SGCD: variants seen among roughly 807,000 people sequenced by gnomAD.
The protein encoded by SGCD is delta-sarcoglycan.
Under a neutral mutation model 36.6 loss-of-function variants are expected in SGCD, and 18 were observed. The observed-to-expected ratio is 0.49, with a 90% CI of 0.34 to 0.73. SGCD has a LOEUF of 0.73. Ranked by LOEUF, SGCD falls within the 30% of genes least tolerant of loss-of-function variation. The probability of loss-of-function intolerance (pLI) is 0.01; values close to 1 mark genes in which losing one functional copy is unlikely to be tolerated. For synonymous variants in SGCD, 133 were observed against 130.6 expected (o/e 1.02, Z -0.12); for missense variants, 387 against 346.7 (o/e 1.12, Z -0.92).
intron 3 of SGCD, among the ~76,000 whole-genome samples, chr5:156,303,507 G>A (rs1767115127): frequency 6.6e-6 from 1 of 151,882 alleles, no homozygotes; most frequent in Non-Finnish European, 1.5e-5. Context: ...GCAAGACAAA[G>A]TCTCCTTTAC....
At chr5:156,617,695 T>C (rs2113484319) in intron 6 of SGCD, among the ~76,000 whole-genome samples, 1 of 152,168 alleles carries the variant, frequency 6.6e-6, no homozygotes, top group South Asian at 2.1e-4. Context: ...CCAAAGCAAA[T>C]ACTCAGCAAA....
chr5:155,803,520 C>T, the SGCD span, among the ~76,000 whole-genome samples: 1 of 152,156 alleles, frequency 6.6e-6, no homozygotes, highest in African/African-American at 2.4e-5. Context: ...CTGGATAAGC[C>T]TACCTAGAAG....
intron 3 of SGCD, among the ~76,000 whole-genome samples, chr5:156,440,282 C>T (rs1753426661): frequency 6.6e-6 from 1 of 152,106 alleles, no homozygotes; most frequent in South Asian, 2.1e-4. Context: ...CCTAATGTTT[C>T]ATCCATCAGT....
chr5:156,736,820 T>G (rs1756394232), intron 7 of SGCD, among the ~76,000 whole-genome samples: 2 of 152,174 alleles, frequency 1.3e-5, no homozygotes, highest in South Asian at 4.1e-4. Flanking sequence ...TGTAATCACT[T>G]TAATCACTTT....
chr5:156,344,814 G>A (rs533388443), intron 3 of SGCD, 137 bp downstream of exon 3: 3 of 622,674 alleles, frequency 4.8e-6, no homozygotes, highest in South Asian at 4.5e-5. Context: ...TGGTGAAAGA[G>A]CATTTCTGTT....
At chr5:156,017,369 T>C (rs563164519) in intron 1 of SGCD, among the ~76,000 whole-genome samples, 1 of 152,118 alleles carries the variant, frequency 6.6e-6, no homozygotes, top group Non-Finnish European at 1.5e-5. Context: ...ATCAATTTTT[T>C]AAAATTGCAA....
chr5:156,205,200 CT>C (rs1269935219), intron 3 of SGCD, among the ~76,000 whole-genome samples: 1 of 152,046 alleles, frequency 6.6e-6, no homozygotes, highest in Admixed American at 6.6e-5. Flanking sequence ...CACTTTCTTT[CT>C]GAAAGCCTTG....
At chr5:155,759,033 G>T in the SGCD span, among the ~76,000 whole-genome samples, 2 of 151,474 alleles carry the variant, frequency 1.3e-5, no homozygotes, top group Non-Finnish European at 2.9e-5. Flanking sequence ...TTAGAGTCAA[G>T]ATTGTGCTAT....
chr5:156,631,678 C>T (rs1044190009), intron 6 of SGCD, among the ~76,000 whole-genome samples: 14 of 151,812 alleles, frequency 9.2e-5, no homozygotes, highest in African/African-American at 3.1e-4. Flanking sequence ...TACCAATTCA[C>T]GTTAGAAGAA....
chr5:155,799,418 G>C, the SGCD span, among the ~76,000 whole-genome samples: 5 of 149,594 alleles, frequency 3.3e-5, no homozygotes, highest in South Asian at 6.3e-4. Context: ...TTTTGAGATG[G>C]AGTCTTGCTC....
chr5:156,589,034 G>C (rs1426737898), intron 4 of SGCD, among the ~76,000 whole-genome samples, 197 bp from the exon 5 acceptor site: 1 of 147,400 alleles, frequency 6.8e-6, no homozygotes, highest in Non-Finnish European at 1.5e-5. Context: ...GCATTTCTTT[G>C]GAAGAAATCT....
At chr5:155,777,252 C>G in the SGCD span, among the ~76,000 whole-genome samples, 8 of 152,006 alleles carry the variant, frequency 5.3e-5, no homozygotes, top group Non-Finnish European at 1.0e-4. Context: ...ATATAACCAC[C>G]TTTTTCAATT....
chr5:156,362,574 A>G (rs1417567610), intron 3 of SGCD, among the ~76,000 whole-genome samples: 2 of 152,148 alleles, frequency 1.3e-5, no homozygotes, highest in Non-Finnish European at 2.9e-5. Flanking sequence ...TGAACCCGGG[A>G]GGCAGAGGTT....
chr5:156,676,323 A>G (rs969024568), intron 7 of SGCD, among the ~76,000 whole-genome samples: 3 of 152,190 alleles, frequency 2.0e-5, no homozygotes, highest in East Asian at 3.9e-4. Context: ...AGACTAACCT[A>G]TAAGATAAAG....
chr5:156,185,212 C>CTT (rs755578762), intron 3 of SGCD, among the ~76,000 whole-genome samples: 31 of 113,220 alleles, frequency 2.7e-4, no homozygotes, highest in Admixed American at 4.8e-4. Flanking sequence ...CTTTAATTTT[C>CTT]TTTTTTTTTT....
chr5:156,185,221 T>C lies in SGCD; in HGVS notation c.-44+61202T>C, dbSNP rs995941794. 1.7e-3 allele frequency among the ~76,000 whole-genome samples: 255 copies of C among 148,412 alleles called. 7 individuals carry two copies. In the East Asian group the frequency reaches 0.047, roughly 28 times the overall value. On this transcript the variant is annotated intron_variant, in intron 3 of 9. Coordinates refer to the SGCD transcript ENST00000517913. Reference sequence around the variant, plus strand: ...TCCTTCCTTTAATTTTCTTTTTTTTTTTTTTTTTTTTGAGACAGAGTCTTG... The same window carrying C: ...TCCTTCCTTTAATTTTCTTTTTTTTCTTTTTTTTTTTGAGACAGAGTCTTG...
intron 1 of SGCD, among the ~76,000 whole-genome samples, chr5:156,109,978 T>C (rs906221569): frequency 6.6e-6 from 1 of 152,230 alleles, no homozygotes; most frequent in African/African-American, 2.4e-5. Context: ...GTTTTATTTA[T>C]TTACACAATA....
intron 1 of SGCD, among the ~76,000 whole-genome samples, chr5:156,039,489 CA>C (rs1195391605): frequency 6.6e-6 from 1 of 152,100 alleles, no homozygotes; most frequent in East Asian, 1.9e-4. Flanking sequence ...CTCTTTCTCA[CA>C]AATTTATGGC....
chr5:155,890,513 G>A (rs1344415064), intron 1 of SGCD, among the ~76,000 whole-genome samples: 1 of 152,072 alleles, frequency 6.6e-6, no homozygotes, highest in African/African-American at 2.4e-5. Context: ...GGAGGCTGAA[G>A]GGGAGGATTG....
Sources: allele counts gnomAD v4.1 joint callset (sites outside exome capture counted in the v4.1 genomes callset), GRCh38; gene constraint gnomAD v4.1.1; transcripts MANE v1.5; gene names NCBI Gene and HGNC (gene_info 2026-07-23, HGNC 2026-07-21).